Variants in WNK1 observed in about 807,000 individuals in gnomAD.
WNK1 encodes the protein serine/threonine-protein kinase WNK1.
WNK1 carries 38 observed loss-of-function variants against 222.8 expected under a neutral mutation model. The ratio of observed to expected loss-of-function variants is 0.17; its 90% CI spans 0.13 to 0.22. WNK1 has a LOEUF of 0.22. Among genes scored for constraint, WNK1 ranks in the 10% least tolerant of loss-of-function variants. WNK1 has a pLI of 1.00. For missense variants in WNK1, 2,348 were observed against 2,918.4 expected (o/e 0.80, Z 4.50); for synonymous variants, 1,090 against 1,092.9 (o/e 1.00, Z 0.05).
chr12:849,287 C>A (rs1950247716), intron 4 of WNK1, among the ~76,000 whole-genome samples: 1 of 152,154 alleles, frequency 6.6e-6, no homozygotes, highest in Non-Finnish European at 1.5e-5. Context: ...GTAATTGAAG[C>A]CTTAGCATTC....
At chr12:900,065 C>T (rs1487024250) in intron 25 of WNK1, among the ~76,000 whole-genome samples, 2 of 135,346 alleles carry the variant, frequency 1.5e-5, no homozygotes, top group Admixed American at 1.7e-4. Flanking sequence ...CGGCTCACTG[C>T]AGCCTCTGCC....
chr12:853,728 T>C (rs1950566722), intron 4 of WNK1, among the ~76,000 whole-genome samples: 1 of 152,222 alleles, frequency 6.6e-6, no homozygotes, highest in African/African-American at 2.4e-5. Flanking sequence ...ATACATTCCC[T>C]TGAAATGTAT....
intron 11 of WNK1, among the ~76,000 whole-genome samples, 195 bp downstream of exon 11, chr12:880,226 T>C (rs1409821964): frequency 1.3e-5 from 2 of 152,198 alleles, no homozygotes; most frequent in Admixed American, 6.5e-5. Flanking sequence ...TCAAGACACT[T>C]CTTCAGAGAA....
intron 1 of WNK1, among the ~76,000 whole-genome samples, chr12:778,548 C>T (rs1943358242): frequency 6.6e-6 from 1 of 151,916 alleles, no homozygotes; most frequent in Non-Finnish European, 1.5e-5. Flanking sequence ...CCAGGCTGGC[C>T]TCAAACTCCT....
intron 1 of WNK1, among the ~76,000 whole-genome samples, chr12:787,718 T>C (rs959833603): frequency 2.0e-5 from 3 of 152,182 alleles, no homozygotes; most frequent in Non-Finnish European, 4.4e-5. Flanking sequence ...ACCATCTGTC[T>C]TCTGCTGGGC....
rs1166100337 is a variant in WNK1 at position 897,503 on chromosome 12, G to T, written c.6270G>T (p.Leu2090=). 2 of 1,607,922 alleles carry T rather than the reference G, an allele frequency of 1.2e-6. No individual in the cohort carries two copies. The highest frequency in any genetic ancestry group is 3.3e-5 in the Admixed American group (2 of 59,994). ...RDKHLKEIQD[L]QSRQKHEIES... ...GACATCTCAAAGAGATTCAGGACCT[G>T]CAGAGTCGCCAGAAGCATGAAATTG... Residue 2090 remains leucine, a synonymous_variant, in exon 25 of 28, where the codon CTG becomes CTT. Transcript: ENST00000315939.
At chr12:812,640 C>T (rs1269787942) in intron 1 of WNK1, among the ~76,000 whole-genome samples, 1 of 151,724 alleles carries the variant, frequency 6.6e-6, no homozygotes, top group Admixed American at 6.6e-5. Context: ...AGAGTGAGAA[C>T]CTTAAAGTTC....
intron 4 of WNK1, among the ~76,000 whole-genome samples, chr12:838,653 C>T (rs1949388096): frequency 6.6e-6 from 1 of 152,018 alleles, no homozygotes; most frequent in African/African-American, 2.4e-5. Context: ...TCAGATCAAG[C>T]GGTCTGCCTG....
rs533705220 is a variant in WNK1 at position 758,454 on chromosome 12, C to G, written c.759+4130C>G. 1.1e-3 allele frequency among the ~76,000 whole-genome samples: 121 copies of G among 114,450 alleles called. 12 individuals carry two copies. The Middle Eastern group carries it at 0.049, about 46-fold the overall frequency. 75.1% of individuals were successfully genotyped at this position (114,450 alleles called of 152,430 possible). On this transcript the variant is annotated intron_variant, in intron 1 of 27. Coordinates refer to ENST00000315939, the MANE Select transcript of WNK1 (RefSeq NM_018979.4). ...GGACTGCGGACTGCAGTGGCGCAAT[C>G]TCGGCTCACTGCAAGCTCCACTTCC...
At chr12:860,222 T>C (rs898869810) in intron 6 of WNK1, among the ~76,000 whole-genome samples, 10 of 152,226 alleles carry the variant, frequency 6.6e-5, no homozygotes, top group Admixed American at 3.9e-4. Context: ...ATCAGTTATC[T>C]GGATGAACTC....
At chr12:798,167 C>T (rs867462687) in intron 1 of WNK1, among the ~76,000 whole-genome samples, 6 of 151,100 alleles carry the variant, frequency 4.0e-5, no homozygotes, top group African/African-American at 1.2e-4. Context: ...TTCAAATTGC[C>T]TTGGTTTTTT....
At chr12:773,150 TG>T (rs1353868372) in intron 1 of WNK1, among the ~76,000 whole-genome samples, 7 of 151,856 alleles carry the variant, frequency 4.6e-5, no homozygotes, top group African/African-American at 1.7e-4. Flanking sequence ...CCCAGCTACT[TG>T]GGAGGCTGAG....
chr12:879,538 AAG>A, intron 10 of WNK1, 33 bp from the exon 11 acceptor site: 3 of 719,258 alleles, frequency 4.2e-6, no homozygotes, highest in South Asian at 2.5e-5. Flanking sequence ...TTTTTTTTTT[AAG>A]CCTGTCTGTT....
At chr12:772,336 C>G (rs921128993) in intron 1 of WNK1, among the ~76,000 whole-genome samples, 2 of 151,940 alleles carry the variant, frequency 1.3e-5, no homozygotes, top group Non-Finnish European at 2.9e-5. Flanking sequence ...AAGCATTTTC[C>G]CATTTAAGAT....
intron 26 of WNK1, 171 bp downstream of exon 26, chr12:900,841 G>A: frequency 1.2e-6 from 1 of 822,570 alleles, no homozygotes; most frequent in Non-Finnish European, 2.1e-6. Context: ...GAGAATCGGT[G>A]GGCTCACTGC....
intron 1 of WNK1, among the ~76,000 whole-genome samples, chr12:758,035 T>TAAAAAAAAA (rs71051381): frequency 8.6e-6 from 1 of 116,274 alleles, no homozygotes; most frequent in African/African-American, 3.1e-5. Context: ...ACTCTGTCTC[T>TAAAAAAAAA]AAAAAAAAAA....
At chr12:758,832 G>C (rs562860296) in intron 1 of WNK1, among the ~76,000 whole-genome samples, 1 of 146,602 alleles carries the variant, frequency 6.8e-6, no homozygotes, top group South Asian at 2.2e-4. Flanking sequence ...TTTCTGACCC[G>C]TAGTAACACA....
chr12:886,398 ATGCATC>A (rs1221198375), intron 19 of WNK1, among the ~76,000 whole-genome samples: 1 of 152,192 alleles, frequency 6.6e-6, no homozygotes, highest in Non-Finnish European at 1.5e-5. Context: ...AGGGAGCTAA[ATGCATC>A]TGTCAGCAAA....
chr12:866,659 G>A lies in WNK1; in HGVS notation c.2139+4389G>A, dbSNP rs569372292. On this transcript the variant is annotated intron_variant, in intron 8 of 27. Transcript: ENST00000315939. Reference sequence around the variant, plus strand: ...ACAGGCGTGAGCCACCGCGCCCAGCGGGTAATGAATTATTATAGTGTATAT... The same window carrying A: ...ACAGGCGTGAGCCACCGCGCCCAGCAGGTAATGAATTATTATAGTGTATAT... Among the ~76,000 whole-genome samples the A allele has an allele frequency of 6.6e-4, 101 of 152,174 alleles. 1 individual carries two copies. Among genetic ancestry groups the A allele is most frequent in the Non-Finnish European group, 1.3e-3 (86 of 67,996 alleles).
Sources: allele counts gnomAD v4.1 joint callset (sites outside exome capture counted in the v4.1 genomes callset), GRCh38; gene constraint gnomAD v4.1.1; transcripts MANE v1.5; gene names NCBI Gene and HGNC (gene_info 2026-07-23, HGNC 2026-07-21).